The following PRKAA2 variants were observed in gnomAD, a reference collection of about 807,000 sequenced individuals.
The protein encoded by PRKAA2 is 5'-AMP-activated protein kinase catalytic subunit alpha-2.
Under a neutral mutation model 56.3 loss-of-function variants are expected in PRKAA2, and 40 were observed. That is an observed-to-expected ratio of 0.71 (90% CI 0.55 to 0.92). The LOEUF (loss-of-function observed/expected upper bound fraction) is 0.92. PRKAA2 is among the 40% of genes least tolerant of loss of function. PRKAA2 has a pLI of 0.00. For synonymous variants in PRKAA2, 214 were observed against 234.2 expected (o/e 0.91, Z 0.79); for missense variants, 542 against 686.9 (o/e 0.79, Z 2.36).
chr1:56,673,444 G>A (rs1288403295), intron 1 of PRKAA2, among the ~76,000 whole-genome samples: 1 of 152,112 alleles, frequency 6.6e-6, no homozygotes, highest in Non-Finnish European at 1.5e-5. Flanking sequence ...AAATAAAAAA[G>A]GGTGTTTGTC....
In PRKAA2 at chr1:56,692,508, T is replaced by G. The variant is rs1260360942; in HGVS notation, c.475+6T>G. 3 of 1,613,588 alleles carry G rather than the reference T, an allele frequency of 1.9e-6. No individual in the cohort carries two copies. The highest frequency in any genetic ancestry group is 2.5e-6 in the Non-Finnish European group (3 of 1,179,812). On this transcript the variant is annotated splice_donor_region_variant and intron_variant, in intron 4 of 8. Coordinates refer to ENST00000371244, the MANE Select transcript of PRKAA2 (RefSeq NM_006252.4). ...TGCCAAGATAGCCGATTTCGGTATG[T>G]AACTCCAGGGTTGTTCAGAAAGGTA...
At chr1:56,692,526 G>A (rs112023226) in intron 4 of PRKAA2, 24 bp downstream of exon 4, 1 of 1,609,184 alleles carries the variant, frequency 6.2e-7, no homozygotes, top group Non-Finnish European at 8.5e-7. Flanking sequence ...GGGTTGTTCA[G>A]AAAGGTACTA....
intron 1 of PRKAA2, among the ~76,000 whole-genome samples, chr1:56,652,977 G>A (rs1430288256): frequency 2.0e-5 from 3 of 152,012 alleles, no homozygotes; most frequent in Admixed American, 2.0e-4. Flanking sequence ...ACAATATCCT[G>A]TATGACTAAG....
chr1:56,685,304 A>T (rs1365846518), intron 2 of PRKAA2, among the ~76,000 whole-genome samples: 3 of 132,352 alleles, frequency 2.3e-5, no homozygotes, highest in Non-Finnish European at 4.8e-5. Context: ...GGGGAAAAAG[A>T]CATTAATTCA....
chr1:56,676,003 A>G (rs1406206554), intron 2 of PRKAA2, among the ~76,000 whole-genome samples: 1 of 152,226 alleles, frequency 6.6e-6, no homozygotes, highest in Non-Finnish European at 1.5e-5. Flanking sequence ...GTTCATTAAA[A>G]TCAGGCATTA....
At chr1:56,691,519 TCTAAA>T in intron 3 of PRKAA2, 32 bp downstream of exon 3, 1 of 1,511,462 alleles carries the variant, frequency 6.6e-7, no homozygotes, top group Non-Finnish European at 9.1e-7. Flanking sequence ...ACACTAAATC[TCTAAA>T]CTAATAAAAA....
intron 1 of PRKAA2, among the ~76,000 whole-genome samples, chr1:56,673,365 C>G (rs1557550033): frequency 6.6e-6 from 1 of 152,184 alleles, no homozygotes; most frequent in African/African-American, 2.4e-5. Context: ...CAAAACAATA[C>G]CCTGTCTCAA....
intron 1 of PRKAA2, among the ~76,000 whole-genome samples, chr1:56,653,900 A>G (rs959929175): frequency 1.3e-5 from 2 of 152,082 alleles, no homozygotes; most frequent in African/African-American, 4.8e-5. Flanking sequence ...ACATACATAT[A>G]TATGTATGTA....
chr1:56,676,766 G>C (rs1223242148), intron 2 of PRKAA2, among the ~76,000 whole-genome samples: 1 of 152,062 alleles, frequency 6.6e-6, no homozygotes, highest in Non-Finnish European at 1.5e-5. Context: ...TTTAATGAAG[G>C]GACCCATGTG....
At chr1:56,705,918 A>G (rs1557564913) in intron 7 of PRKAA2, among the ~76,000 whole-genome samples, 174 bp from the exon 8 acceptor site, 1 of 152,190 alleles carries the variant, frequency 6.6e-6, no homozygotes, top group East Asian at 1.9e-4. Context: ...CTTAATTGCC[A>G]TACAGTACTG....
At chr1:56,670,025 TTG>T (rs1644063973) in intron 1 of PRKAA2, among the ~76,000 whole-genome samples, 1 of 152,192 alleles carries the variant, frequency 6.6e-6, no homozygotes, top group Non-Finnish European at 1.5e-5. Flanking sequence ...AGAGAGTGTT[TTG>T]TGTATTTTGG....
chr1:56,646,390 AT>A (rs1646642670), intron 1 of PRKAA2, among the ~76,000 whole-genome samples: 1 of 152,196 alleles, frequency 6.6e-6, no homozygotes, highest in Non-Finnish European at 1.5e-5. Flanking sequence ...GCTAAGGCAT[AT>A]TCTGCTAAGG....
At chr1:56,706,315 C>T in intron 8 of PRKAA2, 97 bp downstream of exon 8, 2 of 1,409,982 alleles carry the variant, frequency 1.4e-6, no homozygotes, top group East Asian at 4.7e-5. Flanking sequence ...GTGGGTAGGT[C>T]CTGCACTGGT....
chr1:56,650,538 A>G (rs1285784699), intron 1 of PRKAA2, among the ~76,000 whole-genome samples: 1 of 152,224 alleles, frequency 6.6e-6, no homozygotes, highest in East Asian at 1.9e-4. Flanking sequence ...TTTGTGTTAT[A>G]TAAAGACTGA....
chr1:56,668,994 T>C (rs1440312337), intron 1 of PRKAA2, among the ~76,000 whole-genome samples: 2 of 152,210 alleles, frequency 1.3e-5, no homozygotes, highest in Non-Finnish European at 2.9e-5. Context: ...AAAAGCTTTA[T>C]ACCCTTCAAT....
At chr1:56,652,225 A>T (rs1449198264) in intron 1 of PRKAA2, among the ~76,000 whole-genome samples, 1 of 151,930 alleles carries the variant, frequency 6.6e-6, no homozygotes, top group East Asian at 1.9e-4. Flanking sequence ...GTTGGCCAGG[A>T]TGGTCTCGAT....
intron 2 of PRKAA2, among the ~76,000 whole-genome samples, chr1:56,681,032 T>A (rs1644150442): frequency 6.6e-6 from 1 of 152,234 alleles, no homozygotes; most frequent in Non-Finnish European, 1.5e-5. Context: ...GTTTCCTGAC[T>A]TTTTAATGAT....
chr1:56,648,618 A>G (rs1646663151), intron 1 of PRKAA2, among the ~76,000 whole-genome samples: 1 of 152,202 alleles, frequency 6.6e-6, no homozygotes, highest in African/African-American at 2.4e-5. Context: ...TTACTTTTTG[A>G]GAAACTGCAA....
At chr1:56,706,600 C>T (rs1034695288) in intron 8 of PRKAA2, among the ~76,000 whole-genome samples, 1 of 152,184 alleles carries the variant, frequency 6.6e-6, no homozygotes, top group African/African-American at 2.4e-5. Context: ...CATCACCTTT[C>T]CTCATCCTGG....
Sources: allele counts gnomAD v4.1 joint callset (sites outside exome capture counted in the v4.1 genomes callset), GRCh38; gene constraint gnomAD v4.1.1; transcripts MANE v1.5; gene names NCBI Gene and HGNC (gene_info 2026-07-23, HGNC 2026-07-21).